PTPRD: variants seen among roughly 807,000 people sequenced by gnomAD.
PTPRD encodes receptor-type tyrosine-protein phosphatase delta.
Under a neutral mutation model 214.5 loss-of-function variants are expected in PTPRD, and 34 were observed. The ratio of observed to expected loss-of-function variants is 0.16; its 90% CI spans 0.12 to 0.21. The LOEUF (loss-of-function observed/expected upper bound fraction) is 0.21. Ranked by LOEUF, PTPRD falls within the 10% of genes least tolerant of loss-of-function variation. PTPRD has a pLI of 1.00. For missense variants in PTPRD, 2,545 were observed against 2,398.7 expected (o/e 1.06, Z -1.27); for synonymous variants, 1,128 against 845.7 (o/e 1.33, Z -5.79).
chr9:8,572,142 A>T (rs1285161613), intron 14 of PTPRD, among the ~76,000 whole-genome samples: 1 of 152,094 alleles, frequency 6.6e-6, no homozygotes, highest in African/African-American at 2.4e-5. Flanking sequence ...TATAATAGGC[A>T]AGTTCTGAGT....
intron 10 of PTPRD, among the ~76,000 whole-genome samples, chr9:9,174,641 A>T (rs945372989): frequency 6.6e-6 from 1 of 152,164 alleles, no homozygotes; most frequent in Non-Finnish European, 1.5e-5. Context: ...TTGCCAACAA[A>T]GGATATTACA....
chr9:8,994,257 A>C (rs1242879478), intron 11 of PTPRD, among the ~76,000 whole-genome samples: 3 of 152,090 alleles, frequency 2.0e-5, no homozygotes, highest in African/African-American at 7.2e-5. Context: ...AATTCTACCA[A>C]ATAGGGATGC....
intron 11 of PTPRD, among the ~76,000 whole-genome samples, chr9:8,739,269 A>C (rs2091302699): frequency 6.6e-6 from 1 of 152,208 alleles, no homozygotes; most frequent in Admixed American, 6.5e-5. Context: ...CCCAAAAGCA[A>C]ACTTTCAACA....
chr9:8,614,734 C>CA (rs2095555814), intron 14 of PTPRD, among the ~76,000 whole-genome samples: 1 of 152,116 alleles, frequency 6.6e-6, no homozygotes, highest in African/African-American at 2.4e-5. Flanking sequence ...AGACAAAAGA[C>CA]ATGAGACACA....
Position 9,833,926 on chromosome 9 carries a change from C to G in PTPRD, c.-367-67075G>C, listed in dbSNP as rs944402678. 2.6e-5 allele frequency among the ~76,000 whole-genome samples: 4 copies of G among 152,124 alleles called. No individual in the cohort carries two copies. In the East Asian group the frequency reaches 7.8e-4, roughly 30 times the overall value. On this transcript the variant is annotated intron_variant, in intron 5 of 45. Coordinates refer to ENST00000381196, the MANE Select transcript of PTPRD (RefSeq NM_002839.4). ...ATTTCATATTGCTCAAACACACATG[C>G]TGTATAATTTTTGTAGTTAACGCAA...
chr9:10,601,147 T>A (rs2133357754), intron 2 of PTPRD, among the ~76,000 whole-genome samples: 1 of 151,892 alleles, frequency 6.6e-6, no homozygotes, highest in Non-Finnish European at 1.5e-5. Flanking sequence ...AATATTTTAA[T>A]CATGATCATA....
chr9:8,965,623 G>GT (rs1432786758), intron 11 of PTPRD, among the ~76,000 whole-genome samples: 1 of 152,014 alleles, frequency 6.6e-6, no homozygotes, highest in Non-Finnish European at 1.5e-5. Flanking sequence ...TTGGTTTAAA[G>GT]TAAGGAAGAT....
intron 44 of PTPRD, among the ~76,000 whole-genome samples, chr9:8,324,986 T>G (rs1298485652): frequency 6.6e-6 from 1 of 152,116 alleles, no homozygotes; most frequent in Non-Finnish European, 1.5e-5. Flanking sequence ...CTTTGTAGAT[T>G]CTGGATATTA....
chr9:10,115,729 T>C (rs895429341), intron 3 of PTPRD, among the ~76,000 whole-genome samples: 9 of 152,122 alleles, frequency 5.9e-5, no homozygotes, highest in Admixed American at 5.9e-4. Flanking sequence ...TAAAATAGTT[T>C]AGTCTTGGAT....
At chr9:8,510,002 G>C (rs1261271632) in intron 21 of PTPRD, among the ~76,000 whole-genome samples, 2 of 152,130 alleles carry the variant, frequency 1.3e-5, no homozygotes, top group African/African-American at 4.8e-5. Flanking sequence ...TGTGGTTCAG[G>C]CTTAGGCATG....
In PTPRD at chr9:9,685,528, A is replaced by AT. The variant is rs1308342670; in HGVS notation, c.-287+49004dup. ...TCCTTTAGATATATATTTGAACTTA[A>AT]TTTTTTCTGGCAATATTTTAAAACA... On this transcript the variant is annotated intron_variant, in intron 7 of 45. Coordinates refer to ENST00000381196, the MANE Select transcript of PTPRD (RefSeq NM_002839.4). Among the ~76,000 whole-genome samples, 3 of 151,232 alleles carry AT rather than the reference A, an allele frequency of 2.0e-5. No homozygotes were observed. In the Admixed American group the frequency reaches 2.0e-4, roughly 10 times the overall value.
intron 39 of PTPRD, among the ~76,000 whole-genome samples, chr9:8,363,821 G>C (rs1564290636): frequency 1.3e-5 from 2 of 152,130 alleles, no homozygotes; most frequent in African/African-American, 2.4e-5. Context: ...TTTGCTAGCT[G>C]AATTCATCAT....
chr9:9,677,677 C>G (rs909316352), intron 7 of PTPRD, among the ~76,000 whole-genome samples: 2 of 152,016 alleles, frequency 1.3e-5, no homozygotes, highest in African/African-American at 4.8e-5. Flanking sequence ...GATGCCCTCT[C>G]TCACCACTCC....
chr9:8,738,106 T>C (rs1170404350), intron 11 of PTPRD, among the ~76,000 whole-genome samples: 2 of 152,252 alleles, frequency 1.3e-5, no homozygotes, highest in East Asian at 1.9e-4. Context: ...TTAACTGAAT[T>C]GTATATCAGC....
rs558038467 is a variant in PTPRD, at chr9:9,970,797, C to G, written c.-471-32187G>C. Among the ~76,000 whole-genome samples, 10 of 152,254 alleles carry G rather than the reference C, an allele frequency of 6.6e-5. No homozygotes were observed. The East Asian group carries it at 1.7e-3, about 26-fold the overall frequency. ...TATCAGTATCACTGTTTCTACATTG[C>G]TCTGGCCCACAGAAAACCATGGCTT... On this transcript the variant is annotated intron_variant, in intron 4 of 45. Transcript: ENST00000381196.
intron 2 of PTPRD, among the ~76,000 whole-genome samples, chr9:10,583,730 G>C (rs1002258570): frequency 4.0e-5 from 6 of 151,730 alleles, no homozygotes; most frequent in Admixed American, 2.6e-4. Context: ...CGCCTGCCTC[G>C]GCCTCCCAAA....
chr9:10,397,758 G>A (rs2098198154), intron 2 of PTPRD, among the ~76,000 whole-genome samples: 1 of 151,938 alleles, frequency 6.6e-6, no homozygotes, highest in African/African-American at 2.4e-5. Flanking sequence ...CAAGTGGTGG[G>A]AAGAAAAGGG....
At chr9:8,637,639 C>G (rs1262032958) in intron 12 of PTPRD, among the ~76,000 whole-genome samples, 1 of 152,098 alleles carries the variant, frequency 6.6e-6, no homozygotes, top group Non-Finnish European at 1.5e-5. Context: ...TCTTGTATTT[C>G]AAGATCTAGA....
chr9:9,784,676 T>A (rs2098903382), intron 5 of PTPRD, among the ~76,000 whole-genome samples: 3 of 149,934 alleles, frequency 2.0e-5, no homozygotes, highest in South Asian at 4.2e-4. Flanking sequence ...TATTTGTTCA[T>A]TAGTGGAACT....
Sources: allele counts gnomAD v4.1 joint callset (sites outside exome capture counted in the v4.1 genomes callset), GRCh38; gene constraint gnomAD v4.1.1; transcripts MANE v1.5; gene names NCBI Gene and HGNC (gene_info 2026-07-23, HGNC 2026-07-21).